Variants in MARCHF1 observed in about 807,000 individuals in gnomAD.
MARCHF1 encodes membrane associated ring-CH-type finger 1.
A neutral mutation model predicts 54.2 loss-of-function variants in MARCHF1; 40 were observed. The ratio of observed to expected loss-of-function variants is 0.74; its 90% CI spans 0.57 to 0.96. MARCHF1 has a LOEUF of 0.96. MARCHF1 is among the 40% of genes least tolerant of loss of function. The pLI is 0.00. For missense variants in MARCHF1, 586 were observed against 656.5 expected (o/e 0.89, Z 1.17); for synonymous variants, 236 against 236.3 (o/e 1.00, Z 0.01).
At chr4:163,987,884 GT>G (rs940254884) in intron 3 of MARCHF1, among the ~76,000 whole-genome samples, 3 of 152,334 alleles carry the variant, frequency 2.0e-5, no homozygotes, top group African/African-American at 4.8e-5. Context: ...ACCGTAAGAA[GT>G]TGAAAATTAT....
intron 3 of MARCHF1, among the ~76,000 whole-genome samples, chr4:163,985,820 AG>A (rs753868643): frequency 3.5e-4 from 54 of 152,318 alleles, no homozygotes; most frequent in East Asian, 5.8e-4. Context: ...CTTTAGGACA[AG>A]CAAGAACATT....
intron 2 of MARCHF1, among the ~76,000 whole-genome samples, chr4:164,072,916 T>G (rs977701192): frequency 5.3e-5 from 8 of 152,164 alleles, no homozygotes; most frequent in Non-Finnish European, 1.2e-4. Context: ...AATTAGCATC[T>G]CATGTCAAAT....
At chr4:163,827,042 G>T (rs1239929429) in intron 4 of MARCHF1, among the ~76,000 whole-genome samples, 1 of 151,604 alleles carries the variant, frequency 6.6e-6, no homozygotes, top group Admixed American at 6.6e-5. Flanking sequence ...AAAATTGTAT[G>T]AACTTATGTT....
intron 3 of MARCHF1, among the ~76,000 whole-genome samples, chr4:163,942,410 A>C (rs945927019): frequency 2.0e-5 from 3 of 152,176 alleles, no homozygotes; most frequent in Non-Finnish European, 4.4e-5. Context: ...TGATAAGGAG[A>C]ATTGTTCAAT....
chr4:163,791,403 T>G (rs1256780123), intron 4 of MARCHF1, among the ~76,000 whole-genome samples: 1 of 152,206 alleles, frequency 6.6e-6, no homozygotes, highest in African/African-American at 2.4e-5. Flanking sequence ...TTAAAGGTAA[T>G]TATGTATGAG....
chr4:164,241,752 A>G (rs7436217), intron 1 of MARCHF1, among the ~76,000 whole-genome samples: 43,308 of 151,926 alleles, frequency 0.29, 7,030 homozygotes, highest in Admixed American at 0.45. Context: ...GACAGTGGGC[A>G]CAGGTCAGTG....
chr4:164,276,970 AG>A, intron 1 of MARCHF1, among the ~76,000 whole-genome samples: 4 of 26,950 alleles, frequency 1.5e-4, no homozygotes, highest in Non-Finnish European at 4.3e-4. Flanking sequence ...AGAGAGAGAC[AG>A]AGAGAGAGAG....
intron 4 of MARCHF1, among the ~76,000 whole-genome samples, chr4:163,820,218 T>C (rs1748653597): frequency 6.6e-6 from 1 of 152,072 alleles, no homozygotes; most frequent in Non-Finnish European, 1.5e-5. Context: ...CAATACATAT[T>C]TTTTACTCTT....
intron 1 of MARCHF1, among the ~76,000 whole-genome samples, chr4:164,363,340 A>C (rs1043642204): frequency 6.6e-6 from 1 of 152,144 alleles, no homozygotes; most frequent in Non-Finnish European, 1.5e-5. Flanking sequence ...TATCTTTCTG[A>C]GATAACTCTT....
chr4:164,344,174 A>G (rs185822840), intron 1 of MARCHF1, among the ~76,000 whole-genome samples: 16 of 152,208 alleles, frequency 1.1e-4, no homozygotes, highest in African/African-American at 3.9e-4. Flanking sequence ...GCTAAGCACT[A>G]AGTACATATG....
intron 1 of MARCHF1, among the ~76,000 whole-genome samples, chr4:164,335,310 C>G (rs953455303): frequency 6.6e-6 from 1 of 152,086 alleles, no homozygotes; most frequent in Non-Finnish European, 1.5e-5. Context: ...TGCCTCAGCC[C>G]GGTGGCTCAC....
At chr4:163,533,920 A>G (rs1219466872) in intron 9 of MARCHF1, among the ~76,000 whole-genome samples, 1 of 151,904 alleles carries the variant, frequency 6.6e-6, no homozygotes, top group African/African-American at 2.4e-5. Flanking sequence ...AATTTGCTGC[A>G]GTCTTGCACA....
intron 5 of MARCHF1, among the ~76,000 whole-genome samples, chr4:163,640,961 A>T (rs1438418934): frequency 6.6e-6 from 1 of 152,138 alleles, no homozygotes; most frequent in Non-Finnish European, 1.5e-5. Flanking sequence ...AAAGAATTAA[A>T]AAAAGACTTC....
At chr4:164,155,564 T>C (rs1730054998) in intron 1 of MARCHF1, among the ~76,000 whole-genome samples, 1 of 152,162 alleles carries the variant, frequency 6.6e-6, no homozygotes, top group Non-Finnish European at 1.5e-5. Flanking sequence ...GGAATTTCTA[T>C]TAAAAGATTT....
intron 4 of MARCHF1, among the ~76,000 whole-genome samples, chr4:163,724,809 T>C (rs933563150): frequency 1.6e-4 from 25 of 152,228 alleles, no homozygotes; most frequent in African/African-American, 5.8e-4. Flanking sequence ...CTCCAAGCCA[T>C]GCATGGGATA....
intron 2 of MARCHF1, among the ~76,000 whole-genome samples, chr4:164,006,667 A>T (rs1332282591): frequency 6.6e-6 from 1 of 152,096 alleles, no homozygotes; most frequent in Non-Finnish European, 1.5e-5. Flanking sequence ...AGACTACCCC[A>T]AGGTATATAA....
chr4:163,823,364 T>C (rs150881488), intron 4 of MARCHF1, among the ~76,000 whole-genome samples: 160 of 151,912 alleles, frequency 1.1e-3, no homozygotes, highest in Admixed American at 1.8e-3. Context: ...AATTTGTAAA[T>C]CTAATCTAAT....
chr4:164,268,296 T>C (rs979908019), intron 1 of MARCHF1, among the ~76,000 whole-genome samples: 4 of 152,170 alleles, frequency 2.6e-5, no homozygotes, highest in Non-Finnish European at 5.9e-5. Flanking sequence ...ATCTGGGTAC[T>C]GTGTCACCCG....
intron 1 of MARCHF1, among the ~76,000 whole-genome samples, chr4:164,216,276 G>C (rs1351928065): frequency 6.6e-6 from 1 of 152,110 alleles, no homozygotes; most frequent in Admixed American, 6.6e-5. Context: ...CATTTGTTTA[G>C]AAATAAAAAT....
Sources: gnomAD v4.1 joint callset for allele counts (sites outside exome capture counted in the v4.1 genomes callset) on GRCh38, gnomAD v4.1.1 for gene constraint, MANE v1.5 for transcripts, NCBI Gene and HGNC (gene_info 2026-07-23, HGNC 2026-07-21) for gene names.